PRKAR2B: variants seen among roughly 807,000 people sequenced by gnomAD.
The protein encoded by PRKAR2B is protein kinase cAMP-dependent type II regulatory subunit beta.
A neutral mutation model predicts 49.9 loss-of-function variants in PRKAR2B; 14 were observed. That is an observed-to-expected ratio of 0.28 (90% CI 0.19 to 0.44). PRKAR2B has a LOEUF of 0.44. Among genes scored for constraint, PRKAR2B ranks in the 20% least tolerant of loss-of-function variants. The probability of loss-of-function intolerance (pLI) is 1.00; values close to 1 mark genes in which losing one functional copy is unlikely to be tolerated. For synonymous variants in PRKAR2B, 196 were observed against 197.7 expected (o/e 0.99, Z 0.07); for missense variants, 393 against 537.9 (o/e 0.73, Z 2.67).
chr7:107,045,421 C>T (rs1377662543), intron 1 of PRKAR2B, among the ~76,000 whole-genome samples: 3 of 152,174 alleles, frequency 2.0e-5, no homozygotes, highest in South Asian at 4.1e-4. Context: ...TCTGTCATAC[C>T]CTCTTCCCTT....
chr7:107,133,888 C>G (rs955037477), intron 4 of PRKAR2B, among the ~76,000 whole-genome samples: 1 of 152,196 alleles, frequency 6.6e-6, no homozygotes, highest in Non-Finnish European at 1.5e-5. Context: ...CTTTGCCTCT[C>G]AGAAACCCAG....
intron 2 of PRKAR2B, among the ~76,000 whole-genome samples, chr7:107,117,805 T>C (rs1795304618): frequency 6.6e-6 from 1 of 152,162 alleles, no homozygotes; most frequent in Non-Finnish European, 1.5e-5. Context: ...ATAGTTGGTA[T>C]TTTCCTGTTC....
chr7:107,068,678 G>A (rs1017794479), intron 1 of PRKAR2B: 1 of 151,942 alleles, frequency 6.6e-6, no homozygotes, highest in Admixed American at 6.6e-5. Flanking sequence ...CTTGATAATT[G>A]GGTTTATGAA....
At chr7:107,098,156 G>A (rs1003732969) in intron 2 of PRKAR2B, among the ~76,000 whole-genome samples, 1 of 152,182 alleles carries the variant, frequency 6.6e-6, no homozygotes, top group Non-Finnish European at 1.5e-5. Flanking sequence ...ACAATCAGAC[G>A]CAGATTTGGT....
chr7:107,137,762 T>C (rs1795723786), intron 4 of PRKAR2B, among the ~76,000 whole-genome samples: 2 of 152,236 alleles, frequency 1.3e-5, no homozygotes, highest in Admixed American at 6.5e-5. Context: ...AAAAGTGGCA[T>C]CTCATTTCGA....
rs542129628 is a variant in PRKAR2B, at chr7:107,070,336, G to A, written c.343+20G>A. Reference sequence around the variant, plus strand: ...CCTCAGGTAAGTCTGATTATATTATGGATTTTGTTTATTAATGGTGACATT... The same window carrying A: ...CCTCAGGTAAGTCTGATTATATTATAGATTTTGTTTATTAATGGTGACATT... On this transcript the variant is annotated intron_variant, in intron 2 of 10. Transcript: ENST00000265717. The A allele has an allele frequency of 1.0e-5, 16 of 1,583,306 alleles. 1 individual carries two copies. In the South Asian group the frequency reaches 1.8e-4, roughly 18 times the overall value.
chr7:107,050,804 A>G (rs1353606033), intron 1 of PRKAR2B, among the ~76,000 whole-genome samples: 1 of 152,176 alleles, frequency 6.6e-6, no homozygotes, highest in Non-Finnish European at 1.5e-5. Context: ...TTCTTATTTT[A>G]AGAAAAAAGA....
chr7:107,160,828 G>T lies in PRKAR2B; in HGVS notation c.*1246G>T, dbSNP rs1417289001. ...AACTCAGATGTACTAGATTTTCATT[G>T]TTCATTGATATGCTCAGTATGCTGC... On this transcript the variant is annotated 3_prime_UTR_variant, in exon 11 of 11. Transcript: ENST00000265717. 1.3e-5 allele frequency: 2 copies of T among 152,106 alleles called. No homozygotes were observed. The highest frequency in any genetic ancestry group is 4.8e-5 in the African/African-American group (2 of 41,420). 9.4% of individuals were successfully genotyped at this position (152,106 alleles called of 1,614,324 possible). A position where few individuals can be genotyped will look rare whatever the true frequency, so the allele number is the denominator to read the frequency against.
chr7:107,129,641 AAAC>A (rs1343096884), intron 4 of PRKAR2B, among the ~76,000 whole-genome samples: 1 of 152,210 alleles, frequency 6.6e-6, no homozygotes, highest in East Asian at 1.9e-4. Flanking sequence ...TGTAAAGTGA[AAAC>A]AAGTTTATTA....
At chr7:107,094,449 C>T (rs931748327) in intron 2 of PRKAR2B, among the ~76,000 whole-genome samples, 1 of 152,128 alleles carries the variant, frequency 6.6e-6, no homozygotes, top group Non-Finnish European at 1.5e-5. Flanking sequence ...TTCTCCCATT[C>T]TGTAGGTTGC....
In PRKAR2B at chr7:107,044,777, GC is replaced by G; in HGVS notation, c.-128del. On this transcript the variant is annotated 5_prime_UTR_variant, in exon 1 of 11. Coordinates refer to ENST00000265717, the MANE Select transcript of PRKAR2B (RefSeq NM_002736.3). ...GGGCCGGGCCAGCCGGGCCGCCGGGGCCCAGTGCGCCGCGCTCGCAGCCGGT... is the reference window on the plus strand; with the variant it reads ...GGGCCGGGCCAGCCGGGCCGCCGGGGCCAGTGCGCCGCGCTCGCAGCCGGT... The G allele has an allele frequency of 2.1e-6, 1 of 465,662 alleles. No homozygotes were observed. Among genetic ancestry groups the G allele is most frequent in the Non-Finnish European group, 2.9e-6 (1 of 343,580 alleles). The allele number at this position is 465,662 out of a possible 1,614,324, so 28.8% of individuals were successfully genotyped here.
intron 3 of PRKAR2B, among the ~76,000 whole-genome samples, chr7:107,126,026 G>T (rs1795476417): frequency 7.0e-6 from 1 of 143,680 alleles, no homozygotes; most frequent in Admixed American, 7.1e-5. Flanking sequence ...GGCAAAGGTT[G>T]TAGGGAACCG....
At chr7:107,092,516 A>G (rs1046249758) in intron 2 of PRKAR2B, among the ~76,000 whole-genome samples, 6 of 152,084 alleles carry the variant, frequency 3.9e-5, no homozygotes, top group Non-Finnish European at 5.9e-5. Context: ...GACATAGACT[A>G]TCAGCCCATT....
At chr7:107,144,080 ATTTATTTATT>A (rs1562870201) in intron 5 of PRKAR2B, among the ~76,000 whole-genome samples, 1 of 150,266 alleles carries the variant, frequency 6.7e-6, no homozygotes, top group Non-Finnish European at 1.5e-5. Flanking sequence ...TTATTTATTT[ATTTATTTATT>A]TATTTATTTT....
chr7:107,095,516 C>G (rs1326936411), intron 2 of PRKAR2B, among the ~76,000 whole-genome samples: 1 of 152,286 alleles, frequency 6.6e-6, no homozygotes, highest in South Asian at 2.1e-4. Flanking sequence ...CCTGATTGCC[C>G]TGGCCAGAAC....
chr7:107,112,268 G>A (rs945777869), intron 2 of PRKAR2B, among the ~76,000 whole-genome samples: 20 of 149,142 alleles, frequency 1.3e-4, no homozygotes, highest in African/African-American at 4.2e-4. Context: ...AAGTAAGTTT[G>A]CTAATTTAAT....
intron 1 of PRKAR2B, among the ~76,000 whole-genome samples, chr7:107,064,724 G>T (rs908306351): frequency 2.6e-5 from 4 of 152,152 alleles, no homozygotes; most frequent in Admixed American, 6.5e-5. Context: ...GAAATACATA[G>T]TATTTCAAGG....
chr7:107,120,685 T>C (rs906731801), intron 2 of PRKAR2B, among the ~76,000 whole-genome samples: 1 of 152,128 alleles, frequency 6.6e-6, no homozygotes, highest in Admixed American at 6.5e-5. Context: ...TCAAAAGCAG[T>C]GATACTTCTG....
At chr7:107,114,837 C>T (rs1795242417) in intron 2 of PRKAR2B, among the ~76,000 whole-genome samples, 2 of 151,478 alleles carry the variant, frequency 1.3e-5, no homozygotes, top group Non-Finnish European at 2.9e-5. Flanking sequence ...TTATACAGTC[C>T]CTTAAAGAGT....
Sources: gnomAD v4.1 joint callset for allele counts (sites outside exome capture counted in the v4.1 genomes callset) on GRCh38, gnomAD v4.1.1 for gene constraint, MANE v1.5 for transcripts, NCBI Gene and HGNC (gene_info 2026-07-23, HGNC 2026-07-21) for gene names.